Variants in NRXN3 observed in about 807,000 individuals in gnomAD.
NRXN3 encodes neurexin 3.
NRXN3 carries 32 observed loss-of-function variants against 137.6 expected under a neutral mutation model. The ratio of observed to expected loss-of-function variants is 0.23; its 90% CI spans 0.18 to 0.31. The LOEUF is 0.31. Ranked by LOEUF, NRXN3 falls within the 10% of genes least tolerant of loss-of-function variation. NRXN3 has a pLI of 1.00. For synonymous variants in NRXN3, 798 were observed against 784.5 expected, an observed-to-expected ratio of 1.02 and a Z score of -0.29; for missense variants, 1,574 against 2,062.5, an observed-to-expected ratio of 0.76 and a Z score of 4.59.
chr14:78,867,859 A>C (rs548937765), intron 10 of NRXN3, among the ~76,000 whole-genome samples: 1 of 151,854 alleles, frequency 6.6e-6, no homozygotes, highest in East Asian at 1.9e-4. Context: ...TCGGGCCTTC[A>C]TTTCTGAAGG....
chr14:78,967,841 G>A (rs914367907), intron 13 of NRXN3, among the ~76,000 whole-genome samples: 1 of 152,090 alleles, frequency 6.6e-6, no homozygotes, highest in African/African-American at 2.4e-5. Context: ...TTGATGGCAT[G>A]TCTGTATATC....
chr14:79,512,863 A>T (rs902668128), intron 16 of NRXN3, among the ~76,000 whole-genome samples: 4 of 152,244 alleles, frequency 2.6e-5, no homozygotes, highest in Non-Finnish European at 4.4e-5. Flanking sequence ...TCTGTATGGC[A>T]TAACACCTAT....
intron 4 of NRXN3, among the ~76,000 whole-genome samples, chr14:78,520,649 T>C (rs2096271969): frequency 6.6e-6 from 1 of 152,200 alleles, no homozygotes; most frequent in Admixed American, 6.5e-5. Flanking sequence ...AGCCTCAGTA[T>C]CCTTATTTGT....
At chr14:79,671,214 A>G (rs2098606202) in intron 17 of NRXN3, among the ~76,000 whole-genome samples, 1 of 152,094 alleles carries the variant, frequency 6.6e-6, no homozygotes, top group Admixed American at 6.6e-5. Context: ...TTAGTTTGGG[A>G]AATGCTGGTA....
intron 1 of NRXN3, among the ~76,000 whole-genome samples, chr14:78,176,613 G>A (rs1357372776): frequency 6.6e-6 from 1 of 152,138 alleles, no homozygotes; most frequent in African/African-American, 2.4e-5. Flanking sequence ...GTGCCCTCAA[G>A]TACAAATGAC....
At chr14:79,790,803 T>G (rs539108390) in intron 19 of NRXN3, among the ~76,000 whole-genome samples, 10 of 152,078 alleles carry the variant, frequency 6.6e-5, no homozygotes, top group African/African-American at 2.2e-4. Context: ...GTGTTTTTAG[T>G]AGAGGCAGGG....
intron 8 of NRXN3, among the ~76,000 whole-genome samples, chr14:78,720,849 G>C (rs1226683973): frequency 6.6e-6 from 1 of 152,200 alleles, no homozygotes; most frequent in Non-Finnish European, 1.5e-5. Flanking sequence ...CCAGAAAACT[G>C]TAGGAAATGA....
intron 15 of NRXN3, among the ~76,000 whole-genome samples, chr14:79,277,351 C>T (rs978031052): frequency 3.9e-5 from 6 of 152,062 alleles, no homozygotes; most frequent in Admixed American, 1.3e-4. Context: ...ATCTAGGCCG[C>T]CTTAAGGCCA....
chr14:79,779,151 T>C (rs1209290992), intron 19 of NRXN3, among the ~76,000 whole-genome samples: 1 of 152,236 alleles, frequency 6.6e-6, no homozygotes, highest in Non-Finnish European at 1.5e-5. Flanking sequence ...TTTGCTTTTG[T>C]TGCCCAGGCT....
chr14:79,806,497 G>C (rs887669183), intron 20 of NRXN3, among the ~76,000 whole-genome samples: 3 of 152,106 alleles, frequency 2.0e-5, no homozygotes, highest in African/African-American at 7.2e-5. Flanking sequence ...TGTGTGGAGG[G>C]AAAGTAAATG....
At chr14:79,081,742 T>C (rs1424039811) in intron 15 of NRXN3, among the ~76,000 whole-genome samples, 2 of 152,136 alleles carry the variant, frequency 1.3e-5, no homozygotes, top group Non-Finnish European at 2.9e-5. Context: ...CAATGTTCTA[T>C]GGCAGACAAA....
At chr14:79,610,757 TAAG>T (rs2098089050) in intron 16 of NRXN3, among the ~76,000 whole-genome samples, 1 of 152,202 alleles carries the variant, frequency 6.6e-6, no homozygotes, top group African/African-American at 2.4e-5. Flanking sequence ...TCACCTTCCT[TAAG>T]AAGCAGGGCA....
chr14:78,190,408 G>T (rs2060606532), intron 1 of NRXN3, among the ~76,000 whole-genome samples: 1 of 152,156 alleles, frequency 6.6e-6, no homozygotes, highest in African/African-American at 2.4e-5. Context: ...CCACCTCCCA[G>T]AAAGAACCAC....
intron 8 of NRXN3, among the ~76,000 whole-genome samples, chr14:78,783,859 G>A (rs2098779119): frequency 6.6e-6 from 1 of 151,956 alleles, no homozygotes. Context: ...ATCTTACCTG[G>A]GAAGAGAGCA....
chr14:79,459,061 T>C (rs2096292531), intron 15 of NRXN3, among the ~76,000 whole-genome samples: 1 of 150,808 alleles, frequency 6.6e-6, no homozygotes, highest in Non-Finnish European at 1.5e-5. Context: ...GTGAGAATAT[T>C]AGAGATACAG....
At chr14:79,620,858 C>T (rs2098216442) in intron 16 of NRXN3, among the ~76,000 whole-genome samples, 2 of 151,916 alleles carry the variant, frequency 1.3e-5, no homozygotes, top group Admixed American at 1.3e-4. Context: ...TGGATGAGAC[C>T]TGAAGGGAAT....
intron 4 of NRXN3, among the ~76,000 whole-genome samples, chr14:78,560,897 A>G (rs1354603782): frequency 2.0e-5 from 3 of 152,144 alleles, no homozygotes; most frequent in Non-Finnish European, 4.4e-5. Context: ...TCATTTATAG[A>G]GCTATATCCC....
At chr14:78,959,204 C>T (rs2099403342) in intron 11 of NRXN3, among the ~76,000 whole-genome samples, 1 of 151,624 alleles carries the variant, frequency 6.6e-6, no homozygotes, top group African/African-American at 2.4e-5. Context: ...CGTCTAGGCA[C>T]ATATCCAGTG....
intron 15 of NRXN3, among the ~76,000 whole-genome samples, chr14:79,207,380 G>T (rs1047775638): frequency 2.0e-5 from 3 of 152,134 alleles, no homozygotes; most frequent in African/African-American, 7.2e-5. Flanking sequence ...AACCAAAAGT[G>T]CACATGAATG....
Sources: allele counts gnomAD v4.1 joint callset (sites outside exome capture counted in the v4.1 genomes callset), GRCh38; gene constraint gnomAD v4.1.1; transcripts MANE v1.5; gene names NCBI Gene and HGNC (gene_info 2026-07-23, HGNC 2026-07-21).